ERC2: variants seen among roughly 807,000 people sequenced by gnomAD.
The protein encoded by ERC2 is ELKS/RAB6-interacting/CAST family member 2, also known as ERC protein 2.
Under a neutral mutation model 114.8 loss-of-function variants are expected in ERC2, and 42 were observed. That is an observed-to-expected ratio of 0.37 (90% CI 0.29 to 0.47). The LOEUF (loss-of-function observed/expected upper bound fraction) is 0.47. Ranked by LOEUF, ERC2 falls within the 20% of genes least tolerant of loss-of-function variation. The pLI, the probability that ERC2 is intolerant of heterozygous loss-of-function variation, is 0.99. For missense variants in ERC2, 939 were observed against 1,150.7 expected, an observed-to-expected ratio of 0.82 and a Z score of 2.66; for synonymous variants, 454 against 425.5, an observed-to-expected ratio of 1.07 and a Z score of -0.82.
intron 2 of ERC2, among the ~76,000 whole-genome samples, chr3:56,326,383 A>C (rs1417081053): frequency 6.6e-6 from 1 of 152,054 alleles, no homozygotes; most frequent in East Asian, 1.9e-4. Flanking sequence ...GCTCCAGCAA[A>C]CCCCAGCTTT....
intron 13 of ERC2, among the ~76,000 whole-genome samples, chr3:55,929,886 G>T (rs961274234): frequency 6.6e-6 from 1 of 152,162 alleles, no homozygotes; most frequent in African/African-American, 2.4e-5. Flanking sequence ...GGCCTCCTCA[G>T]CCATGCTTCC....
intron 16 of ERC2, among the ~76,000 whole-genome samples, chr3:55,698,363 T>C (rs183242391): frequency 6.6e-6 from 1 of 152,150 alleles, no homozygotes; most frequent in Non-Finnish European, 1.5e-5. Context: ...GTAAAACATC[T>C]TGGAAACTTC....
At chr3:56,426,995 C>T (rs1224921166) in intron 2 of ERC2, among the ~76,000 whole-genome samples, 3 of 113,350 alleles carry the variant, frequency 2.6e-5, no homozygotes, top group African/African-American at 3.6e-5. Flanking sequence ...AACCTCATCT[C>T]TAAAAAAAAA....
At chr3:56,207,285 A>G (rs2150112789) in intron 3 of ERC2, among the ~76,000 whole-genome samples, 1 of 152,226 alleles carries the variant, frequency 6.6e-6, no homozygotes, top group East Asian at 1.9e-4. Flanking sequence ...TTTTTAAATT[A>G]AAAAAACACA....
rs1015756188 is a variant in ERC2 at position 55,707,450 on chromosome 3, T to C, written c.2713-7938A>G. 2.6e-5 allele frequency among the ~76,000 whole-genome samples: 4 copies of C among 152,204 alleles called. 1 individual carries two copies. On this transcript the variant is annotated intron_variant, in intron 15 of 17. Coordinates refer to ENST00000288221, the MANE Select transcript of ERC2 (RefSeq NM_015576.3). Reference sequence around the variant, plus strand: ...TGAGATCTTGTCTCAAAAAAAAACATTGCTTTCTGCTGCCACCTTAGGAAC... The same window carrying C: ...TGAGATCTTGTCTCAAAAAAAAACACTGCTTTCTGCTGCCACCTTAGGAAC...
intron 1 of ERC2, among the ~76,000 whole-genome samples, chr3:56,453,244 C>T (rs116535910): frequency 2.6e-5 from 4 of 152,292 alleles, no homozygotes; most frequent in African/African-American, 7.2e-5. Context: ...GTAACAAATG[C>T]CATAACCAAA....
chr3:56,256,528 A>C (rs146383843), intron 3 of ERC2, among the ~76,000 whole-genome samples: 1 of 152,178 alleles, frequency 6.6e-6, no homozygotes, highest in East Asian at 1.9e-4. Flanking sequence ...TTTTGTTGTA[A>C]CCAGTGACTT....
chr3:55,527,799 G>T (rs1051389872), intron 17 of ERC2, among the ~76,000 whole-genome samples: 1 of 152,210 alleles, frequency 6.6e-6, no homozygotes, highest in Non-Finnish European at 1.5e-5. Context: ...CTATAGGATG[G>T]AAGCATCAGA....
intron 7 of ERC2, among the ~76,000 whole-genome samples, chr3:56,051,419 AG>A (rs2075758718): frequency 6.6e-6 from 1 of 152,172 alleles, no homozygotes; most frequent in African/African-American, 2.4e-5. Flanking sequence ...TTAGAAAAAA[AG>A]GGGGTGGGAG....
At chr3:55,915,615 A>C (rs1169581110) in intron 13 of ERC2, among the ~76,000 whole-genome samples, 3 of 152,196 alleles carry the variant, frequency 2.0e-5, no homozygotes. Flanking sequence ...CATCCCATGG[A>C]TCCTTATGGA....
At chr3:56,211,691 C>T (rs567457966) in intron 3 of ERC2, among the ~76,000 whole-genome samples, 33 of 152,162 alleles carry the variant, frequency 2.2e-4, no homozygotes, top group African/African-American at 7.5e-4. Flanking sequence ...CATTACCTGA[C>T]CTTCAAACTA....
chr3:55,583,544 T>TCTTCCTTCCTTC (rs377125700), intron 17 of ERC2, among the ~76,000 whole-genome samples: 23 of 39,048 alleles, frequency 5.9e-4, no homozygotes, highest in Admixed American at 5.2e-4. Context: ...TTCCTTCCTT[T>TCTTCCTTCCTTC]CTTCCTTCCT....
chr3:55,707,224 G>A (rs815424), intron 15 of ERC2, among the ~76,000 whole-genome samples: 81,148 of 151,912 alleles, frequency 0.53, 22,769 homozygotes, highest in South Asian at 0.73. Context: ...GCTTGAGCTC[G>A]GGAGTTAGAA....
At chr3:55,667,834 T>C (rs1200372352) in intron 17 of ERC2, among the ~76,000 whole-genome samples, 2 of 152,226 alleles carry the variant, frequency 1.3e-5, no homozygotes, top group Non-Finnish European at 2.9e-5. Flanking sequence ...GGAGCTGGAA[T>C]TGAGAAGTGG....
At chr3:55,517,476 A>G (rs1248176777) in intron 17 of ERC2, among the ~76,000 whole-genome samples, 2 of 151,778 alleles carry the variant, frequency 1.3e-5, no homozygotes, top group Non-Finnish European at 2.9e-5. Flanking sequence ...AAAAATTATC[A>G]AAAACCTAAA....
intron 17 of ERC2, among the ~76,000 whole-genome samples, chr3:55,660,540 G>T (rs1346150619): frequency 6.7e-6 from 1 of 148,844 alleles, no homozygotes; most frequent in East Asian, 1.9e-4. Context: ...TCCTTGCTCA[G>T]CACCTAGTGG....
chr3:56,437,886 A>G (rs2062098374), intron 1 of ERC2, among the ~76,000 whole-genome samples: 1 of 152,216 alleles, frequency 6.6e-6, no homozygotes, highest in Non-Finnish European at 1.5e-5. Context: ...ACGACAAAAC[A>G]ATTTTGTGAT....
intron 14 of ERC2, among the ~76,000 whole-genome samples, chr3:55,746,984 G>C (rs1168480382): frequency 6.6e-6 from 1 of 152,180 alleles, no homozygotes; most frequent in Non-Finnish European, 1.5e-5. Context: ...GTGAAGTCTG[G>C]ATTTTAGGTC....
At chr3:56,323,550 G>A (rs956690186) in intron 2 of ERC2, among the ~76,000 whole-genome samples, 5 of 152,160 alleles carry the variant, frequency 3.3e-5, no homozygotes, top group African/African-American at 9.7e-5. Context: ...ACTGAGCCCA[G>A]CCAAAGCCAG....
Sources: gnomAD v4.1 joint callset for allele counts (sites outside exome capture counted in the v4.1 genomes callset) on GRCh38, gnomAD v4.1.1 for gene constraint, MANE v1.5 for transcripts, NCBI Gene and HGNC (gene_info 2026-07-23, HGNC 2026-07-21) for gene names.